The following CCDC18 variants were observed in gnomAD, a reference collection of about 807,000 sequenced individuals.
CCDC18 encodes coiled-coil domain-containing protein 18.
CCDC18 carries 157 observed loss-of-function variants against 196.0 expected under a neutral mutation model. The ratio of observed to expected loss-of-function variants is 0.80; its 90% confidence interval spans 0.70 to 0.91. The LOEUF is 0.91. CCDC18 is among the 40% of genes least tolerant of loss of function. The pLI, the probability that CCDC18 is intolerant of heterozygous loss-of-function variation, is 0.00. For missense variants in CCDC18, 1,465 were observed against 1,611.6 expected (o/e 0.91, Z 1.56); for synonymous variants, 482 against 529.2 (o/e 0.91, Z 1.22).
chr1:93,192,179 G>T (rs1651932577), intron 5 of CCDC18, 73 bp downstream of exon 5: 8 of 1,003,506 alleles, frequency 8.0e-6, no homozygotes, highest in Non-Finnish European at 1.2e-5. Context: ...GTTAAATCTT[G>T]TTCCCCACAC....
intron 9 of CCDC18, among the ~76,000 whole-genome samples, chr1:93,209,504 T>C (rs1336049749): frequency 1.3e-5 from 2 of 152,204 alleles, no homozygotes; most frequent in Admixed American, 1.3e-4. Context: ...TGTGGAATTA[T>C]GAACCAAAAA....
At chr1:93,246,399 G>A (rs1212112279) in intron 22 of CCDC18, among the ~76,000 whole-genome samples, 195 bp downstream of exon 22, 1 of 152,136 alleles carries the variant, frequency 6.6e-6, no homozygotes, top group Non-Finnish European at 1.5e-5. Context: ...TTTTGAAAAT[G>A]AGGATTAGCT....
At chr1:93,223,371 T>C (rs1291598975) in intron 16 of CCDC18, among the ~76,000 whole-genome samples, 1 of 152,192 alleles carries the variant, frequency 6.6e-6, no homozygotes, top group African/African-American at 2.4e-5. Context: ...TTAAGCTATA[T>C]TGACTGATTC....
At chr1:93,218,573 G>C (rs1204183786) in intron 14 of CCDC18, among the ~76,000 whole-genome samples, 1 of 151,480 alleles carries the variant, frequency 6.6e-6, no homozygotes, top group African/African-American at 2.4e-5. Flanking sequence ...GCAATGGTGT[G>C]ATCTCAGCTC....
intron 14 of CCDC18, among the ~76,000 whole-genome samples, chr1:93,219,341 A>G (rs1461868055): frequency 6.6e-6 from 1 of 152,058 alleles, no homozygotes. Context: ...TTCTTTCCTC[A>G]TTAAGTCAAG....
chr1:93,235,610 G>A (rs754398651), intron 18 of CCDC18, among the ~76,000 whole-genome samples: 1 of 151,940 alleles, frequency 6.6e-6, no homozygotes, highest in Non-Finnish European at 1.5e-5. Flanking sequence ...GGGAGGTCAA[G>A]GTCTGAAGAA....
At chr1:93,217,627 C>T (rs1221876659) in intron 13 of CCDC18, 111 bp from the exon 14 acceptor site, 13 of 824,668 alleles carry the variant, frequency 1.6e-5, no homozygotes, top group East Asian at 1.1e-4. Flanking sequence ...TTCATAGAGA[C>T]GGGGTCTTGC....
rs762223740 is a variant in CCDC18 at position 93,201,872 on chromosome 1, T to C, written c.699-20T>C. 6.8e-7 allele frequency: 1 copy of C among 1,469,398 alleles called. No individual in the cohort carries two copies. The allele number at this position is 1,469,398 out of a possible 1,614,324, so 91.0% of individuals were successfully genotyped here. ...CAGAGCATTCTTCACTTTTATTCAT[T>C]ATCTCTTTTTAAATTTTAGAGCTGA... On this transcript the variant is annotated intron_variant, in intron 6 of 28. Coordinates refer to ENST00000690025, the MANE Select transcript of CCDC18 (RefSeq NM_001378204.1).
At chr1:93,231,803 G>T (rs1325394951) in intron 17 of CCDC18, among the ~76,000 whole-genome samples, 1 of 152,052 alleles carries the variant, frequency 6.6e-6, no homozygotes, top group Non-Finnish European at 1.5e-5. Flanking sequence ...GTGCTTTGCT[G>T]GGATATTATT....
At chr1:93,261,254 TGGA>T (rs1663749012) in intron 26 of CCDC18, among the ~76,000 whole-genome samples, 1 of 152,138 alleles carries the variant, frequency 6.6e-6, no homozygotes, top group Non-Finnish European at 1.5e-5. Flanking sequence ...CCTGACTTAT[TGGA>T]GGAGAATGAG....
At chr1:93,217,657 T>C in intron 13 of CCDC18, 81 bp from the exon 14 acceptor site, 1 of 1,238,406 alleles carries the variant, frequency 8.1e-7, no homozygotes, top group Non-Finnish European at 1.1e-6. Context: ...CAGGCTAGTC[T>C]TGAACTCCTG....
chr1:93,261,963 A>ACAAT (rs1370172754), intron 26 of CCDC18, among the ~76,000 whole-genome samples: 1 of 152,206 alleles, frequency 6.6e-6, no homozygotes, highest in Non-Finnish European at 1.5e-5. Flanking sequence ...CGGGAAACTT[A>ACAAT]CAATCATGGC....
chr1:93,276,306 C>T (rs1665618986), intron 28 of CCDC18, among the ~76,000 whole-genome samples: 1 of 152,168 alleles, frequency 6.6e-6, no homozygotes, highest in Non-Finnish European at 1.5e-5. Flanking sequence ...TGCTTTCAGA[C>T]TAACAAAAGC....
chr1:93,181,750 G>T (rs1397886234), intron 1 of CCDC18, among the ~76,000 whole-genome samples: 1 of 152,094 alleles, frequency 6.6e-6, no homozygotes, highest in African/African-American at 2.4e-5. Flanking sequence ...GAGTAGCTGA[G>T]ATTACAGGCG....
chr1:93,275,935 T>C (rs1279366671), intron 28 of CCDC18, among the ~76,000 whole-genome samples: 1 of 152,258 alleles, frequency 6.6e-6, no homozygotes, highest in Non-Finnish European at 1.5e-5. Context: ...CATCAGGTAT[T>C]ACATTTGTTT....
At chr1:93,199,008 A>C (rs1008856241) in intron 6 of CCDC18, among the ~76,000 whole-genome samples, 1 of 152,206 alleles carries the variant, frequency 6.6e-6, no homozygotes, top group African/African-American at 2.4e-5. Flanking sequence ...AGATACAGAC[A>C]CAGGACTGAC....
At chr1:93,212,714 A>G (rs189997292) in intron 11 of CCDC18, among the ~76,000 whole-genome samples, 117 of 152,354 alleles carry the variant, frequency 7.7e-4, no homozygotes, top group Non-Finnish European at 1.3e-3. Flanking sequence ...TTGATATCCA[A>G]TAGAACAGTG....
intron 9 of CCDC18, among the ~76,000 whole-genome samples, chr1:93,210,334 T>C (rs1293907841): frequency 6.6e-6 from 1 of 152,208 alleles, no homozygotes; most frequent in Admixed American, 6.5e-5. Flanking sequence ...TATTGTCTTA[T>C]CAACTCTATG....
At chr1:93,201,385 G>A (rs1405196589) in intron 6 of CCDC18, among the ~76,000 whole-genome samples, 1 of 152,178 alleles carries the variant, frequency 6.6e-6, no homozygotes, top group Non-Finnish European at 1.5e-5. Flanking sequence ...GGCTTAAAGA[G>A]TGGTTGGTGG....
Sources: allele counts gnomAD v4.1 joint callset (sites outside exome capture counted in the v4.1 genomes callset), GRCh38; gene constraint gnomAD v4.1.1; transcripts MANE v1.5; gene names NCBI Gene and HGNC (gene_info 2026-07-23, HGNC 2026-07-21).